FSTL5: variants seen among roughly 807,000 people sequenced by gnomAD.
The protein encoded by FSTL5 is follistatin like 5.
Under a neutral mutation model 89.1 loss-of-function variants are expected in FSTL5, and 62 were observed. The observed-to-expected ratio is 0.70, with a 90% confidence interval of 0.57 to 0.86. FSTL5 has a LOEUF of 0.86. Among genes scored for constraint, FSTL5 ranks in the 40% least tolerant of loss-of-function variants. The pLI is 0.00. For missense variants in FSTL5, 1,057 were observed against 1,001.6 expected, an observed-to-expected ratio of 1.06 and a Z score of -0.75; for synonymous variants, 383 against 346.2, an observed-to-expected ratio of 1.11 and a Z score of -1.18.
intron 2 of FSTL5, among the ~76,000 whole-genome samples, chr4:162,044,043 A>G (rs555331032): frequency 4.9e-4 from 74 of 152,206 alleles, no homozygotes; most frequent in Middle Eastern, 3.4e-3. Flanking sequence ...TGACATTTTG[A>G]CCTCCTTCCA....
At chr4:161,406,111 T>C (rs1207612368) in intron 15 of FSTL5, among the ~76,000 whole-genome samples, 1 of 152,144 alleles carries the variant, frequency 6.6e-6, no homozygotes, top group Non-Finnish European at 1.5e-5. Context: ...CCCAAACTTA[T>C]ACAATTCATG....
intron 3 of FSTL5, among the ~76,000 whole-genome samples, chr4:161,951,520 A>G (rs1320153390): frequency 6.6e-6 from 1 of 152,142 alleles, no homozygotes; most frequent in Non-Finnish European, 1.5e-5. Context: ...TTTTATCATT[A>G]TTAGAGTAAA....
intron 15 of FSTL5, among the ~76,000 whole-genome samples, chr4:161,405,159 G>A (rs568656142): frequency 6.6e-6 from 1 of 151,994 alleles, no homozygotes; most frequent in Non-Finnish European, 1.5e-5. Flanking sequence ...CTTGAACCCG[G>A]GAGGCAGAAG....
At chr4:162,001,502 A>G (rs1736461575) in intron 3 of FSTL5, among the ~76,000 whole-genome samples, 1 of 152,012 alleles carries the variant, frequency 6.6e-6, no homozygotes, top group South Asian at 2.1e-4. Flanking sequence ...AGTTCTCCTC[A>G]TTGTACATGA....
At chr4:162,093,749 TG>T (rs1730642607) in intron 2 of FSTL5, among the ~76,000 whole-genome samples, 1 of 152,190 alleles carries the variant, frequency 6.6e-6, no homozygotes, top group Non-Finnish European at 1.5e-5. Flanking sequence ...TTCTGTGATT[TG>T]TTTATCATTT....
intron 4 of FSTL5, among the ~76,000 whole-genome samples, chr4:161,787,947 A>C (rs1741962213): frequency 6.6e-6 from 1 of 152,194 alleles, no homozygotes; most frequent in Non-Finnish European, 1.5e-5. Flanking sequence ...CAACTTATGA[A>C]TATATTTAAG....
At chr4:162,080,209 T>C (rs1017935517) in intron 2 of FSTL5, among the ~76,000 whole-genome samples, 2 of 151,700 alleles carry the variant, frequency 1.3e-5, no homozygotes, top group African/African-American at 4.8e-5. Context: ...ATATAATTTA[T>C]TTCAATCAGC....
chr4:161,603,908 G>T (rs952185298), intron 7 of FSTL5, among the ~76,000 whole-genome samples: 1 of 152,080 alleles, frequency 6.6e-6, no homozygotes, highest in Non-Finnish European at 1.5e-5. Flanking sequence ...TTTTTACCTG[G>T]CTAAGGGAAA....
At chr4:161,550,497 G>A (rs1456047412) in intron 8 of FSTL5, among the ~76,000 whole-genome samples, 2 of 149,832 alleles carry the variant, frequency 1.3e-5, no homozygotes, top group South Asian at 4.3e-4. Context: ...TTTTATTGAA[G>A]GTTAAAACAA....
chr4:161,897,588 A>AG (rs1733206669), intron 4 of FSTL5, among the ~76,000 whole-genome samples: 1 of 151,016 alleles, frequency 6.6e-6, no homozygotes. Flanking sequence ...AAAAAAAAAA[A>AG]AAAAAAGAAA....
At chr4:161,827,432 C>A (rs2126857268) in intron 4 of FSTL5, among the ~76,000 whole-genome samples, 1 of 152,330 alleles carries the variant, frequency 6.6e-6, no homozygotes, top group East Asian at 1.9e-4. Flanking sequence ...GGTTGGCCTT[C>A]TGCCAGGAGA....
At chr4:161,730,388 T>C (rs1269963154) in intron 6 of FSTL5, among the ~76,000 whole-genome samples, 1 of 152,110 alleles carries the variant, frequency 6.6e-6, no homozygotes, top group Non-Finnish European at 1.5e-5. Flanking sequence ...TCTTATTTAA[T>C]TGAAAAATAT....
At chr4:161,975,959 CA>C (rs34935846) in intron 3 of FSTL5, among the ~76,000 whole-genome samples, 37,234 of 148,282 alleles carry the variant, frequency 0.25, 5,577 homozygotes, top group African/African-American at 0.42. Flanking sequence ...ACTAAAAATA[CA>C]AAAAAAAATT....
At chr4:162,127,359 T>C (rs12509085) in intron 1 of FSTL5, among the ~76,000 whole-genome samples, 2 of 152,148 alleles carry the variant, frequency 1.3e-5, no homozygotes, top group Non-Finnish European at 2.9e-5. Flanking sequence ...GTATGTTTTG[T>C]TCTGTTTTAA....
intron 3 of FSTL5, among the ~76,000 whole-genome samples, chr4:161,932,297 C>A (rs1734309688): frequency 1.3e-5 from 2 of 151,848 alleles, no homozygotes; most frequent in East Asian, 1.9e-4. Context: ...AGAAATTTTT[C>A]TTTCCACCCA....
intron 4 of FSTL5, among the ~76,000 whole-genome samples, chr4:161,791,076 A>T (rs1207426847): frequency 2.6e-5 from 4 of 152,190 alleles, no homozygotes; most frequent in Non-Finnish European, 5.9e-5. Context: ...CCTTCAAATC[A>T]TCCTTAAATG....
chr4:161,565,877 ATG>A (rs1395495884), intron 8 of FSTL5, among the ~76,000 whole-genome samples: 1 of 150,882 alleles, frequency 6.6e-6, no homozygotes, highest in Non-Finnish European at 1.5e-5. Flanking sequence ...TGGTGAACAT[ATG>A]TGTGCAGATG....
At chr4:161,779,744 G>GGATGATTT (rs1741551333) in intron 4 of FSTL5, among the ~76,000 whole-genome samples, 1 of 55,222 alleles carries the variant, frequency 1.8e-5, no homozygotes, top group Non-Finnish European at 2.8e-5. Context: ...ATTTGTCCAA[G>GGATGATTT]GATTATTTGT....
intron 4 of FSTL5, among the ~76,000 whole-genome samples, chr4:161,807,896 A>T (rs1730017099): frequency 6.6e-6 from 1 of 152,214 alleles, no homozygotes. Context: ...CATTTTGGAT[A>T]AACTATCCTG....
Sources: allele counts gnomAD v4.1 joint callset (sites outside exome capture counted in the v4.1 genomes callset), GRCh38; gene constraint gnomAD v4.1.1; transcripts MANE v1.5; gene names NCBI Gene and HGNC (gene_info 2026-07-23, HGNC 2026-07-21).